VPS13A: variants seen among roughly 807,000 people sequenced by gnomAD.
The protein encoded by VPS13A is intermembrane lipid transfer protein VPS13A.
VPS13A carries 264 observed loss-of-function variants against 390.9 expected under a neutral mutation model. The observed-to-expected ratio is 0.68, with a 90% CI of 0.61 to 0.75. VPS13A has a LOEUF of 0.75. Among genes scored for constraint, VPS13A ranks in the 30% least tolerant of loss-of-function variants. VPS13A has a pLI of 0.00. For synonymous variants in VPS13A, 1,231 were observed against 1,227.1 expected (o/e 1.00, Z -0.07); for missense variants, 3,409 against 3,733.9 (o/e 0.91, Z 2.27).
chr9:77,189,082 A>G lies in VPS13A; in HGVS notation c.101-10863A>G, dbSNP rs148929851. On this transcript the variant is annotated intron_variant, in intron 1 of 71. Coordinates refer to ENST00000360280, the MANE Select transcript of VPS13A (RefSeq NM_033305.3). ...TAGATTGTCTGTTTACTCTGTGGAC[A>G]GTTTCATTTGCTGTGCAAGAGCTCT... is the stretch of plus-strand genomic sequence containing the variant. 2.3e-3 allele frequency among the ~76,000 whole-genome samples: 339 copies of G among 147,678 alleles called. 6 individuals are homozygous for G. The East Asian group carries it at 0.059, about 26-fold the overall frequency.
intron 59 of VPS13A, among the ~76,000 whole-genome samples, chr9:77,362,318 T>C (rs1464946080): frequency 2.0e-5 from 3 of 152,218 alleles, no homozygotes; most frequent in Non-Finnish European, 4.4e-5. Flanking sequence ...TAGTTCATTT[T>C]TGTATATGAT....
At position 77,340,247 on chromosome 9, in the gene VPS13A, G is replaced by T. The variant is rs758045097; in HGVS notation, c.6844G>T (p.Ala2282Ser). The change falls in exon 49 of 72, where the codon GCT (alanine) becomes TCT (serine). Residue 2282 changes from alanine (A) to serine (S), a missense_variant. Coordinates refer to ENST00000360280, the MANE Select transcript of VPS13A (RefSeq NM_033305.3). The part of the protein sequence containing the change: ...FSIDTVGSHG[A>S]VKCKGLKMDY... ...AATTGATACTGTTGGTAGTCATGGA[G>T]CTGTTAAATGTAAAGGCCTGAAAAT... is the stretch of plus-strand genomic sequence containing the variant. 3 of 1,613,272 alleles carry T rather than the reference G, an allele frequency of 1.9e-6. No individual in the cohort carries two copies. In the South Asian group the frequency reaches 3.3e-5, roughly 18 times the overall value.
chr9:77,317,584 G>T, intron 39 of VPS13A, 22 bp from the exon 40 acceptor site: 1 of 1,524,294 alleles, frequency 6.6e-7, no homozygotes. Context: ...TTAATTTAGT[G>T]GTATTGATTT....
Position 77,225,922 on chromosome 9 carries a change from T to C in VPS13A, c.1162-4T>C. The C allele has an allele frequency of 6.2e-7, 1 of 1,608,390 alleles. No individual in the cohort carries two copies. Among genetic ancestry groups the C allele is most frequent in the African/African-American group, 1.3e-5 (1 of 74,892 alleles). The stretch of plus-strand genomic sequence containing the variant: ...GTTAACACATTTTTGTTTATATTTT[T>C]CAGGAGTTGGAAAAAACCTTGGATG... On this transcript the variant is annotated splice_region_variant and splice_polypyrimidine_tract_variant and intron_variant, in intron 13 of 71. Transcript: ENST00000360280.
chr9:77,180,972 C>T (rs1217923621), intron 1 of VPS13A, among the ~76,000 whole-genome samples: 1 of 151,626 alleles, frequency 6.6e-6, no homozygotes, highest in Non-Finnish European at 1.5e-5. Context: ...ATTGCTTGAG[C>T]ATAGGAGTTT....
At chr9:77,412,647 G>A (rs975342123) in intron 71 of VPS13A, among the ~76,000 whole-genome samples, 28 of 152,202 alleles carry the variant, frequency 1.8e-4, no homozygotes, top group East Asian at 7.7e-4. Flanking sequence ...ATATCATACC[G>A]AATGGGCAAA....
intron 19 of VPS13A, among the ~76,000 whole-genome samples, chr9:77,245,907 C>A (rs1359534858): frequency 6.6e-6 from 1 of 152,162 alleles, no homozygotes; most frequent in African/African-American, 2.4e-5. Flanking sequence ...CAGAATGCTT[C>A]CACTCATGGC....
chr9:77,379,745 A>G (rs1418246872), intron 67 of VPS13A, among the ~76,000 whole-genome samples: 1 of 152,226 alleles, frequency 6.6e-6, no homozygotes, highest in East Asian at 1.9e-4. Flanking sequence ...ATTTTATATT[A>G]TTGAGACATG....
In VPS13A at chr9:77,356,946, A is replaced by G. The variant is rs1476388973; in HGVS notation, c.7806+79A>G. ...GGTGAATCACTAGTGAAATTTAAGG[A>G]AAGTTTGGCTTCCTTATAAAACAAA... On this transcript the variant is annotated intron_variant, in intron 55 of 71. Coordinates refer to ENST00000360280, the MANE Select transcript of VPS13A (RefSeq NM_033305.3). 8 of 1,524,744 alleles carry G rather than the reference A, an allele frequency of 5.2e-6. 1 individual carries two copies. Among genetic ancestry groups the G allele is most frequent in the Admixed American group, 3.5e-5 (2 of 56,792 alleles). The allele number at this position is 1,524,744 out of a possible 1,614,324, so 94.5% of individuals were successfully genotyped here.
chr9:77,279,648 C>T (rs2131341265), intron 26 of VPS13A, among the ~76,000 whole-genome samples: 1 of 152,214 alleles, frequency 6.6e-6, no homozygotes, highest in South Asian at 2.1e-4. Context: ...TCCCTGTCTG[C>T]TGTCCATATC....
chr9:77,382,258 A>T, intron 68 of VPS13A, 171 bp downstream of exon 68: 1 of 1,473,190 alleles, frequency 6.8e-7, no homozygotes, highest in Non-Finnish European at 9.0e-7. Context: ...TTACTATAAG[A>T]TTTTTTTTTC....
chr9:77,185,849 A>G (rs1050515041), intron 1 of VPS13A, among the ~76,000 whole-genome samples: 2 of 152,200 alleles, frequency 1.3e-5, no homozygotes, highest in African/African-American at 4.8e-5. Context: ...ATTATAGGTC[A>G]GGTATAGTGG....
chr9:77,269,362 A>G (rs190939232), intron 23 of VPS13A, among the ~76,000 whole-genome samples: 13 of 152,282 alleles, frequency 8.5e-5, no homozygotes, highest in African/African-American at 1.7e-4. Flanking sequence ...GTGTAAGTCT[A>G]TTTCAGACTC....
chr9:77,382,708 T>TA, intron 68 of VPS13A: 1 of 988,610 alleles, frequency 1.0e-6, no homozygotes, highest in Non-Finnish European at 1.2e-6. Flanking sequence ...TGAAAATGCT[T>TA]AAATGGCCAT....
chr9:77,400,405 T>C (rs1453022353), intron 68 of VPS13A, among the ~76,000 whole-genome samples: 12 of 152,122 alleles, frequency 7.9e-5, no homozygotes, highest in Non-Finnish European at 1.6e-4. Flanking sequence ...ATTTTTCTGT[T>C]ATTTTACTTT....
chr9:77,392,110 C>T (rs1245626451), intron 68 of VPS13A, among the ~76,000 whole-genome samples: 2 of 152,114 alleles, frequency 1.3e-5, no homozygotes, highest in African/African-American at 4.8e-5. Flanking sequence ...GTTGTTTAGC[C>T]GGTATATGCA....
At chr9:77,263,700 G>C (rs1002497666) in intron 23 of VPS13A, among the ~76,000 whole-genome samples, 10 of 152,060 alleles carry the variant, frequency 6.6e-5, no homozygotes, top group Non-Finnish European at 1.0e-4. Context: ...TAGGTTGCCT[G>C]CTCACTCTGA....
chr9:77,344,937 T>A lies in VPS13A; in HGVS notation c.7156-72T>A, dbSNP rs558943720. The A allele has an allele frequency of 2.9e-5, 44 of 1,522,666 alleles. No individual in the cohort carries two copies. In the Admixed American group the frequency reaches 7.4e-4, roughly 26 times the overall value. 94.3% of individuals were successfully genotyped at this position (1,522,666 alleles called of 1,614,324 possible). A position where few individuals can be genotyped will look rare whatever the true frequency, so the allele number is the denominator to read the frequency against. ...AAATTATCAAGTTATGAATAGTCTGTTCTTAAATGTTATTAGTTAATATTC... is the reference window on the plus strand; with the variant it reads ...AAATTATCAAGTTATGAATAGTCTGATCTTAAATGTTATTAGTTAATATTC... On this transcript the variant is annotated intron_variant, in intron 51 of 71. Coordinates refer to ENST00000360280, the MANE Select transcript of VPS13A (RefSeq NM_033305.3).
intron 67 of VPS13A, among the ~76,000 whole-genome samples, chr9:77,380,251 C>G (rs1833352494): frequency 6.6e-6 from 1 of 151,836 alleles, no homozygotes; most frequent in African/African-American, 2.4e-5. Context: ...TAAATCAGGT[C>G]TCCTGTGGAT....
Sources: gnomAD v4.1 joint callset for allele counts (sites outside exome capture counted in the v4.1 genomes callset) on GRCh38, gnomAD v4.1.1 for gene constraint, MANE v1.5 for transcripts, NCBI Gene and HGNC (gene_info 2026-07-23, HGNC 2026-07-21) for gene names.